Variants in TSGA10 observed in about 807,000 individuals in gnomAD.
The protein encoded by TSGA10 is testis specific 10.
Under a neutral mutation model 96.6 loss-of-function variants are expected in TSGA10, and 43 were observed. The observed-to-expected ratio is 0.44, with a 90% CI of 0.35 to 0.57. The LOEUF (loss-of-function observed/expected upper bound fraction) is 0.57, where lower values mean the gene tolerates loss of function less well. Among genes scored for constraint, TSGA10 ranks in the 20% least tolerant of loss-of-function variants. TSGA10 has a pLI of 0.01. For missense variants in TSGA10, 703 were observed against 834.4 expected, an observed-to-expected ratio of 0.84 and a Z score of 1.94; for synonymous variants, 229 against 269.9, an observed-to-expected ratio of 0.85 and a Z score of 1.48.
intron 1 of TSGA10, among the ~76,000 whole-genome samples, chr2:99,130,820 T>C (rs562316068): frequency 2.2e-4 from 33 of 152,138 alleles, no homozygotes; most frequent in Admixed American, 3.3e-4. Flanking sequence ...GGAAGGGGTC[T>C]AGTTTCAGTT....
intron 4 of TSGA10, among the ~76,000 whole-genome samples, chr2:99,111,955 T>G (rs979071764): frequency 1.3e-5 from 2 of 152,076 alleles, no homozygotes; most frequent in African/African-American, 4.8e-5. Context: ...CATAACCAAA[T>G]AAACTGAAGA....
At chr2:99,011,822 C>G (rs112274668) in intron 20 of TSGA10, among the ~76,000 whole-genome samples, 1 of 152,006 alleles carries the variant, frequency 6.6e-6, no homozygotes, top group African/African-American at 2.4e-5. Context: ...CCTCCAAACA[C>G]AAGAAGCTCA....
At chr2:99,146,012 G>A (rs1472013919) in intron 1 of TSGA10, among the ~76,000 whole-genome samples, 1 of 152,098 alleles carries the variant, frequency 6.6e-6, no homozygotes, top group African/African-American at 2.4e-5. Context: ...GGCCAGGTAC[G>A]GTGGCTCATG....
At chr2:99,098,300 G>A (rs942571037) in intron 10 of TSGA10, among the ~76,000 whole-genome samples, 6 of 151,260 alleles carry the variant, frequency 4.0e-5, no homozygotes, top group South Asian at 2.1e-4. Flanking sequence ...TTAGCCAGGC[G>A]TGGTGGCGGG....
At chr2:99,127,299 G>T in intron 1 of TSGA10, 123 bp from the exon 2 acceptor site, 1 of 791,524 alleles carries the variant, frequency 1.3e-6, no homozygotes, top group Non-Finnish European at 1.7e-6. Context: ...TTTCCCACCA[G>T]CTAAGAGGAT....
At chr2:99,032,282 A>T (rs2081205510) in intron 17 of TSGA10, among the ~76,000 whole-genome samples, 1 of 152,164 alleles carries the variant, frequency 6.6e-6, no homozygotes, top group South Asian at 2.1e-4. Context: ...AACAAACATC[A>T]CTAGAGAGCT....
chr2:99,128,513 T>G (rs889899756), intron 1 of TSGA10, among the ~76,000 whole-genome samples: 1 of 152,208 alleles, frequency 6.6e-6, no homozygotes, highest in Non-Finnish European at 1.5e-5. Context: ...GGGAATGTTG[T>G]GTGAATGCAG....
intron 18 of TSGA10, among the ~76,000 whole-genome samples, chr2:99,019,664 G>A (rs1023217103): frequency 6.6e-6 from 1 of 152,134 alleles, no homozygotes; most frequent in Non-Finnish European, 1.5e-5. Flanking sequence ...GGTAAGAACA[G>A]GGGTTAAGGG....
chr2:99,078,175 G>A (rs1165772460), intron 12 of TSGA10, among the ~76,000 whole-genome samples: 1 of 150,734 alleles, frequency 6.6e-6, no homozygotes, highest in Non-Finnish European at 1.5e-5. Flanking sequence ...GGAGGCTGAG[G>A]CAGGAGAATT....
chr2:99,032,856 T>C (rs980647489), intron 17 of TSGA10, among the ~76,000 whole-genome samples: 13 of 152,170 alleles, frequency 8.5e-5, no homozygotes, highest in African/African-American at 3.1e-4. Context: ...GATTAATGAG[T>C]CACCGTGGTA....
intron 17 of TSGA10, among the ~76,000 whole-genome samples, chr2:99,027,072 G>C (rs2080665153): frequency 6.6e-6 from 1 of 152,190 alleles, no homozygotes; most frequent in East Asian, 1.9e-4. Context: ...CTGCTGATCT[G>C]ACAAGAGGTG....
intron 20 of TSGA10, 92 bp downstream of exon 20, chr2:99,018,102 TTAAAGA>T: frequency 8.1e-7 from 1 of 1,228,432 alleles, no homozygotes; most frequent in South Asian, 1.8e-5. Flanking sequence ...AATATCACTA[TTAAAGA>T]TAGACTATTG....
At chr2:99,093,268 C>T (rs764305543) in intron 10 of TSGA10, among the ~76,000 whole-genome samples, 3 of 152,024 alleles carry the variant, frequency 2.0e-5, no homozygotes, top group African/African-American at 7.2e-5. Flanking sequence ...TAATAAAAGC[C>T]GTCTACGGAC....
chr2:99,119,375 C>T lies in TSGA10; in HGVS notation c.-491-689G>A, dbSNP rs530099349. Reference sequence around the variant, plus strand: ...GCAAATTTGAGGTCATTCCTATAACCTTATGTTGCCTCATGACACTGAGAA... The same window carrying T: ...GCAAATTTGAGGTCATTCCTATAACTTTATGTTGCCTCATGACACTGAGAA... On this transcript the variant is annotated intron_variant, in intron 2 of 20. Transcript: ENST00000393483. Among the ~76,000 whole-genome samples the T allele has an allele frequency of 6.6e-5, 10 of 152,234 alleles. No homozygotes were observed. In the South Asian group the frequency reaches 2.1e-3, roughly 32 times the overall value.
At chr2:99,030,238 T>G (rs2081011604) in intron 17 of TSGA10, among the ~76,000 whole-genome samples, 1 of 152,048 alleles carries the variant, frequency 6.6e-6, no homozygotes, top group African/African-American at 2.4e-5. Context: ...TCCCAGCTAC[T>G]CGGGAGGTTG....
At position 99,068,897 on chromosome 2, in the gene TSGA10, T is replaced by C; in HGVS notation, c.1209A>G (p.Leu403=). 1 of 1,431,490 alleles carries C rather than the reference T, an allele frequency of 7.0e-7. No individual in the cohort carries two copies. Among genetic ancestry groups the C allele is most frequent in the Non-Finnish European group, 9.2e-7 (1 of 1,084,714 alleles). 88.7% of individuals were successfully genotyped at this position (1,431,490 alleles called of 1,614,324 possible). A position where few individuals can be genotyped will look rare whatever the true frequency, so the allele number is the denominator to read the frequency against. ...AAAAAAAAATACATACTTCAGACTT[T>C]AATATATTCTTCAGCTTGTTAACCT... ...NLEVNKLKNI[L]KSEESENRQM... is the part of the protein sequence containing the mutation. Residue 403 remains leucine (L), a synonymous_variant, in exon 15 of 21, where the codon TTA becomes TTG. Coordinates refer to ENST00000393483, the MANE Select transcript of TSGA10 (RefSeq NM_025244.4).
chr2:99,074,725 G>A (rs564448009), intron 12 of TSGA10, among the ~76,000 whole-genome samples: 19 of 152,148 alleles, frequency 1.2e-4, no homozygotes, highest in African/African-American at 4.3e-4. Context: ...CTTTGAGAGG[G>A]TGAGGCAGGC....
At chr2:98,998,462 T>C (rs1026443088) in intron 20 of TSGA10, among the ~76,000 whole-genome samples, 1 of 152,200 alleles carries the variant, frequency 6.6e-6, no homozygotes, top group Non-Finnish European at 1.5e-5. Flanking sequence ...GCAGCTTGGA[T>C]GGATCTCACG....
In TSGA10 at chr2:99,071,667, T is replaced by A. The variant is rs772048594; in HGVS notation, c.1107+39A>T. 4 of 1,579,698 alleles carry A rather than the reference T, an allele frequency of 2.5e-6. No individual in the cohort carries two copies. The East Asian group carries it at 9.0e-5, about 36-fold the overall frequency. ...CTGTTCCTCACAAGAAATTCATATT[T>A]TTTTTTCTTGGAGAAAATGATTCTA... is the stretch of plus-strand genomic sequence containing the variant. On this transcript the variant is annotated intron_variant, in intron 14 of 20. Transcript: ENST00000393483.
Sources: gnomAD v4.1 joint callset for allele counts (sites outside exome capture counted in the v4.1 genomes callset) on GRCh38, gnomAD v4.1.1 for gene constraint, MANE v1.5 for transcripts, NCBI Gene and HGNC (gene_info 2026-07-23, HGNC 2026-07-21) for gene names.